Variants in TACR1 observed in about 807,000 individuals in gnomAD.
TACR1 encodes the protein tachykinin receptor 1.
In TACR1, 25 loss-of-function variants were observed where a neutral mutation model predicts 35.8. The observed-to-expected ratio is 0.70, with a 90% CI of 0.51 to 0.98. The LOEUF (loss-of-function observed/expected upper bound fraction) is 0.98. Ranked by LOEUF, TACR1 falls within the 50% of genes least tolerant of loss-of-function variation. The pLI is 0.00. For synonymous variants in TACR1, 195 were observed against 206.7 expected, an observed-to-expected ratio of 0.94 and a Z score of 0.48; for missense variants, 478 against 522.9, an observed-to-expected ratio of 0.91 and a Z score of 0.84.
chr2:75,176,956 C>A (rs1460131609), intron 1 of TACR1, among the ~76,000 whole-genome samples: 1 of 152,092 alleles, frequency 6.6e-6, no homozygotes, highest in African/African-American at 2.4e-5. Context: ...TCAGCAAAAT[C>A]CTCAACCTCT....
chr2:75,080,514 T>C (rs6730896), intron 2 of TACR1, among the ~76,000 whole-genome samples: 2,491 of 152,308 alleles, frequency 0.016, 55 homozygotes, highest in African/African-American at 0.056. Context: ...TGGAAACATA[T>C]TGAATTGCCC....
At position 75,142,555 on chromosome 2, in the gene TACR1, G is replaced by A. The variant is rs922828483; in HGVS notation, c.390-21787C>T. Among the ~76,000 whole-genome samples the A allele has an allele frequency of 2.0e-4, 31 of 152,298 alleles. 1 individual carries two copies. The highest frequency in any genetic ancestry group is 1.6e-3 in the Admixed American group (25 of 15,302). Reference sequence around the variant, plus strand: ...GAAGAGGTCATTCAGTTATTCATGCGTTTATGAACACATTTTTGAGTGCCA... The same window carrying A: ...GAAGAGGTCATTCAGTTATTCATGCATTTATGAACACATTTTTGAGTGCCA... On this transcript the variant is annotated intron_variant, in intron 1 of 4. Transcript: ENST00000305249.
At chr2:75,095,198 A>G (rs1673398402) in intron 2 of TACR1, among the ~76,000 whole-genome samples, 3 of 152,206 alleles carry the variant, frequency 2.0e-5, no homozygotes. Flanking sequence ...TGGCTGAGGA[A>G]GTGGACATGT....
At chr2:75,105,547 A>G (rs1572933196) in intron 2 of TACR1, among the ~76,000 whole-genome samples, 1 of 152,164 alleles carries the variant, frequency 6.6e-6, no homozygotes, top group East Asian at 1.9e-4. Flanking sequence ...GAAAGAAATG[A>G]TAAGTATTGA....
At chr2:75,155,201 C>T (rs532447122) in intron 1 of TACR1, among the ~76,000 whole-genome samples, 1 of 152,322 alleles carries the variant, frequency 6.6e-6, no homozygotes, top group South Asian at 2.1e-4. Context: ...ACCCTCTCTC[C>T]ATTCTTGGGA....
chr2:75,059,053 T>C (rs961752431), intron 2 of TACR1, among the ~76,000 whole-genome samples: 2 of 152,184 alleles, frequency 1.3e-5, no homozygotes, highest in African/African-American at 4.8e-5. Flanking sequence ...TAGTTCTGCT[T>C]TGCTGGGTTT....
chr2:75,102,255 C>T (rs1000339934), intron 2 of TACR1, among the ~76,000 whole-genome samples: 1 of 152,194 alleles, frequency 6.6e-6, no homozygotes, highest in African/African-American at 2.4e-5. Context: ...TGACTGCAGA[C>T]ATATGAGACA....
intron 2 of TACR1, among the ~76,000 whole-genome samples, chr2:75,119,871 A>G (rs1673931666): frequency 6.6e-6 from 1 of 152,206 alleles, no homozygotes; most frequent in Non-Finnish European, 1.5e-5. Flanking sequence ...GGGAGAAGAA[A>G]CACCAGTAGG....
intron 2 of TACR1, among the ~76,000 whole-genome samples, chr2:75,105,852 G>A (rs1049108369): frequency 5.9e-5 from 9 of 151,812 alleles, no homozygotes; most frequent in Non-Finnish European, 1.0e-4. Flanking sequence ...TGATCACTAT[G>A]CCTTGAAACT....
intron 1 of TACR1, among the ~76,000 whole-genome samples, chr2:75,145,900 C>G (rs1355039327): frequency 6.6e-6 from 1 of 152,116 alleles, no homozygotes; most frequent in African/African-American, 2.4e-5. Flanking sequence ...ATTTGAATTA[C>G]AGATCCAGCG....
Position 75,049,409 on chromosome 2 carries a change from G to A in TACR1, c.*23C>T, listed in dbSNP as rs1293202188. The A allele has an allele frequency of 6.3e-7, 1 of 1,598,266 alleles. No homozygotes were observed. The highest frequency in any genetic ancestry group is 2.2e-5 in the East Asian group (1 of 44,504). On this transcript the variant is annotated 3_prime_UTR_variant, in exon 5 of 5. Transcript: ENST00000305249. The stretch of plus-strand genomic sequence containing the variant: ...AGGCAGGTCAAAGGCAGTGGGGGCT[G>A]CACCTGCCAAAGGCCCTGTGGCCTA...
intron 2 of TACR1, among the ~76,000 whole-genome samples, chr2:75,109,691 A>T (rs1673714167): frequency 6.6e-6 from 1 of 152,222 alleles, no homozygotes. Flanking sequence ...TGCACTTAGG[A>T]AAAGGGCAGA....
chr2:75,183,682 C>A (rs1675614971), intron 1 of TACR1, among the ~76,000 whole-genome samples: 1 of 152,164 alleles, frequency 6.6e-6, no homozygotes, highest in South Asian at 2.1e-4. Flanking sequence ...GCCTTGATCA[C>A]CCCAGGAAGG....
chr2:75,110,084 A>G (rs905331517), intron 2 of TACR1, among the ~76,000 whole-genome samples: 1 of 152,214 alleles, frequency 6.6e-6, no homozygotes, highest in Non-Finnish European at 1.5e-5. Flanking sequence ...GAAATGAAGC[A>G]TTACAATAAG....
At chr2:75,121,416 T>A (rs1673969115) in intron 1 of TACR1, among the ~76,000 whole-genome samples, 1 of 152,094 alleles carries the variant, frequency 6.6e-6, no homozygotes, top group Non-Finnish European at 1.5e-5. Context: ...CAGACTAGAG[T>A]GCACAAAGGA....
At chr2:75,163,354 T>C (rs1272908289) in intron 1 of TACR1, among the ~76,000 whole-genome samples, 1 of 152,236 alleles carries the variant, frequency 6.6e-6, no homozygotes, top group Non-Finnish European at 1.5e-5. Flanking sequence ...TAAGAATATT[T>C]ATTTGCCTTG....
At chr2:75,059,138 A>G (rs1672623507) in intron 2 of TACR1, among the ~76,000 whole-genome samples, 1 of 152,212 alleles carries the variant, frequency 6.6e-6, no homozygotes, top group Admixed American at 6.5e-5. Flanking sequence ...AGAAAGGTCG[A>G]AGAGCATTGA....
intron 1 of TACR1, among the ~76,000 whole-genome samples, chr2:75,186,114 C>A (rs914713949): frequency 6.6e-6 from 1 of 152,128 alleles, no homozygotes; most frequent in African/African-American, 2.4e-5. Context: ...TGGCTCACGC[C>A]TGTAATCCCA....
intron 1 of TACR1, among the ~76,000 whole-genome samples, chr2:75,171,559 C>T (rs1230444872): frequency 6.6e-6 from 1 of 152,210 alleles, no homozygotes; most frequent in African/African-American, 2.4e-5. Context: ...ACCGCTTGCA[C>T]TATGTGCCTG....
Sources: gnomAD v4.1 joint callset for allele counts (sites outside exome capture counted in the v4.1 genomes callset) on GRCh38, gnomAD v4.1.1 for gene constraint, MANE v1.5 for transcripts, NCBI Gene and HGNC (gene_info 2026-07-23, HGNC 2026-07-21) for gene names.